Variants in RANBP2 observed in about 807,000 individuals in gnomAD.
RANBP2 encodes the protein E3 SUMO-protein ligase RanBP2.
In RANBP2, 57 loss-of-function variants were observed where a neutral mutation model predicts 303.6. The observed-to-expected ratio is 0.19, with a 90% confidence interval of 0.15 to 0.23. The LOEUF is 0.23. Among genes scored for constraint, RANBP2 ranks in the 10% least tolerant of loss-of-function variants. The pLI, the probability that RANBP2 is intolerant of heterozygous loss-of-function variation, is 1.00. For synonymous variants in RANBP2, 1,167 were observed against 1,301.5 expected (o/e 0.90, Z 2.23); for missense variants, 3,138 against 3,780.8 (o/e 0.83, Z 4.46).
chr2:108,780,309 T>G (rs1257309826), intron 25 of RANBP2, among the ~76,000 whole-genome samples: 1 of 148,800 alleles, frequency 6.7e-6, no homozygotes, highest in South Asian at 2.2e-4. Flanking sequence ...TCTCCTGCCT[T>G]AGCTTCCTGA....
At chr2:109,608,939 T>C in the RANBP2 span, among the ~76,000 whole-genome samples, 2 of 152,220 alleles carry the variant, frequency 1.3e-5, no homozygotes, top group African/African-American at 2.4e-5. Context: ...ATTAATATGG[T>C]TGAAAGCAAG....
At chr2:109,101,238 C>G in the RANBP2 span, among the ~76,000 whole-genome samples, 1 of 152,018 alleles carries the variant, frequency 6.6e-6, no homozygotes, top group African/African-American at 2.4e-5. Context: ...AGAAAAACCC[C>G]ATAGTGGGCC....
chr2:108,906,611 G>A, the RANBP2 span, among the ~76,000 whole-genome samples: 3 of 152,226 alleles, frequency 2.0e-5, no homozygotes, highest in Admixed American at 6.5e-5. Flanking sequence ...GGTCAGACTC[G>A]TAAGATACTT....
chr2:109,401,820 C>A, the RANBP2 span, among the ~76,000 whole-genome samples: 1 of 152,224 alleles, frequency 6.6e-6, no homozygotes, highest in Non-Finnish European at 1.5e-5. Flanking sequence ...AAGCTCTCTG[C>A]AGTCTGATGT....
chr2:109,548,115 C>T, the RANBP2 span, among the ~76,000 whole-genome samples: 2 of 148,016 alleles, frequency 1.4e-5, no homozygotes, highest in African/African-American at 4.9e-5. Flanking sequence ...GTTCTGCATG[C>T]AGTTCAGAGA....
the RANBP2 span, among the ~76,000 whole-genome samples, chr2:109,763,453 G>C: frequency 6.7e-6 from 1 of 150,116 alleles, no homozygotes; most frequent in East Asian, 2.0e-4. Context: ...AATCCAGTCA[G>C]ACAATTGCCA....
chr2:108,731,071 C>T (rs1400607873), intron 3 of RANBP2, among the ~76,000 whole-genome samples, 186 bp downstream of exon 3: 1 of 152,092 alleles, frequency 6.6e-6, no homozygotes. Context: ...GTAAGTCTAA[C>T]ACGGTCAGAA....
At chr2:108,873,522 G>T in the RANBP2 span, 1 of 1,612,438 alleles carries the variant, frequency 6.2e-7, no homozygotes, top group Non-Finnish European at 8.5e-7. Context: ...GCTGCTTCGA[G>T]CCCCTAAGCT....
the RANBP2 span, among the ~76,000 whole-genome samples, chr2:108,951,371 T>C: frequency 7.8e-3 from 1,191 of 152,336 alleles, 9 homozygotes; most frequent in South Asian, 0.029. Context: ...TTCTGTTAGC[T>C]GGGCAGCATT....
chr2:109,579,693 T>C, the RANBP2 span, among the ~76,000 whole-genome samples: 2 of 151,754 alleles, frequency 1.3e-5, no homozygotes, highest in Non-Finnish European at 2.9e-5. Context: ...AGGCCCTGAT[T>C]TTCATTGGTT....
At chr2:108,809,520 T>C in the RANBP2 span, among the ~76,000 whole-genome samples, 7 of 151,914 alleles carry the variant, frequency 4.6e-5, no homozygotes, top group Middle Eastern at 0.014. Flanking sequence ...TGTTTTATAG[T>C]TTTCATCGTG....
chr2:109,711,678 T>C, the RANBP2 span, among the ~76,000 whole-genome samples: 8 of 152,182 alleles, frequency 5.3e-5, no homozygotes, highest in African/African-American at 1.9e-4. Context: ...CAGCCTGTCC[T>C]GGCCTCTGCC....
the RANBP2 span, among the ~76,000 whole-genome samples, chr2:108,842,295 T>C: frequency 1.3e-5 from 2 of 152,026 alleles, no homozygotes; most frequent in African/African-American, 4.8e-5. Flanking sequence ...TGCCTTGGCT[T>C]CCCAAATTGT....
the RANBP2 span, chr2:109,398,602 G>A: frequency 1.3e-6 from 2 of 1,570,108 alleles, no homozygotes; most frequent in Non-Finnish European, 8.6e-7. Flanking sequence ...CAATGACTCC[G>A]CCAAGCAGCT....
At chr2:109,221,025 G>A in the RANBP2 span, among the ~76,000 whole-genome samples, 1 of 152,142 alleles carries the variant, frequency 6.6e-6, no homozygotes, top group East Asian at 1.9e-4. Flanking sequence ...AGATGACAGG[G>A]TAAACAAAAT....
chr2:108,993,790 G>A, the RANBP2 span, among the ~76,000 whole-genome samples: 1 of 152,278 alleles, frequency 6.6e-6, no homozygotes, highest in South Asian at 2.1e-4. Context: ...CTTTCCTTTG[G>A]CTACCTGCCT....
At chr2:109,158,606 C>G in the RANBP2 span, among the ~76,000 whole-genome samples, 1 of 152,186 alleles carries the variant, frequency 6.6e-6, no homozygotes, top group Non-Finnish European at 1.5e-5. Context: ...GATGATAAGG[C>G]TTGTGTCTCA....
the RANBP2 span, among the ~76,000 whole-genome samples, chr2:109,677,111 CCTCCTCCTGT>C: frequency 6.6e-6 from 1 of 152,262 alleles, no homozygotes; most frequent in East Asian, 1.9e-4. Context: ...CTCATCAGCA[CCTCCTCCTGT>C]CTCCTCCTGT....
At chr2:109,252,736 A>G in the RANBP2 span, among the ~76,000 whole-genome samples, 1 of 152,234 alleles carries the variant, frequency 6.6e-6, no homozygotes, top group Non-Finnish European at 1.5e-5. Flanking sequence ...GGCTAATGTA[A>G]TCAGCCTACA....
Sources: allele counts gnomAD v4.1 joint callset (sites outside exome capture counted in the v4.1 genomes callset), GRCh38; gene constraint gnomAD v4.1.1; transcripts MANE v1.5; gene names NCBI Gene and HGNC (gene_info 2026-07-23, HGNC 2026-07-21).